MAGI2: variants seen among roughly 807,000 people sequenced by gnomAD.
MAGI2 encodes membrane associated guanylate kinase, WW and PDZ domain containing 2.
A neutral mutation model predicts 133.3 loss-of-function variants in MAGI2; 35 were observed. The observed-to-expected ratio is 0.26, with a 90% CI of 0.20 to 0.35. The LOEUF is 0.35. MAGI2 is among the 10% of genes least tolerant of loss of function. MAGI2 has a pLI of 1.00. For synonymous variants in MAGI2, 729 were observed against 710.6 expected (o/e 1.03, Z -0.41); for missense variants, 1,636 against 1,863.4 (o/e 0.88, Z 2.25).
At chr7:78,140,293 C>T (rs1473113447) in intron 16 of MAGI2, among the ~76,000 whole-genome samples, 2 of 152,184 alleles carry the variant, frequency 1.3e-5, no homozygotes, top group Admixed American at 1.3e-4. Flanking sequence ...CCTCTTTCCT[C>T]ATTATTTGTC....
chr7:78,690,303 A>G (rs768304499), intron 2 of MAGI2, among the ~76,000 whole-genome samples: 2 of 152,216 alleles, frequency 1.3e-5, no homozygotes, highest in African/African-American at 2.4e-5. Flanking sequence ...TGAATCGTAC[A>G]TGTAAATCAC....
At chr7:79,280,029 T>A (rs1585413287) in intron 1 of MAGI2, among the ~76,000 whole-genome samples, 3 of 152,324 alleles carry the variant, frequency 2.0e-5, no homozygotes, top group East Asian at 3.9e-4. Flanking sequence ...TTATTTATTT[T>A]TTATTTTTTT....
chr7:79,266,269 C>T (rs1834451610), intron 1 of MAGI2, among the ~76,000 whole-genome samples: 1 of 139,112 alleles, frequency 7.2e-6, no homozygotes, highest in South Asian at 2.7e-4. Flanking sequence ...ACCCTCCTCT[C>T]TGATCACTTT....
At chr7:78,138,361 G>A (rs1050517117) in intron 16 of MAGI2, among the ~76,000 whole-genome samples, 1 of 152,188 alleles carries the variant, frequency 6.6e-6, no homozygotes, top group African/African-American at 2.4e-5. Context: ...AGAGAAGAAA[G>A]AGAAGAGGAG....
At chr7:79,068,071 C>G (rs185020990) in intron 1 of MAGI2, among the ~76,000 whole-genome samples, 23 of 151,942 alleles carry the variant, frequency 1.5e-4, no homozygotes, top group Non-Finnish European at 1.6e-4. Context: ...ATTTTCCTTT[C>G]TTGTTGTGTC....
chr7:78,375,193 T>G (rs1332157682), intron 6 of MAGI2, among the ~76,000 whole-genome samples: 1 of 152,184 alleles, frequency 6.6e-6, no homozygotes, highest in African/African-American at 2.4e-5. Context: ...CTTTTAATTT[T>G]GCTATCTTAC....
chr7:79,194,089 A>T (rs1433782750), intron 1 of MAGI2, among the ~76,000 whole-genome samples: 1 of 151,950 alleles, frequency 6.6e-6, no homozygotes, highest in Non-Finnish European at 1.5e-5. Context: ...AATTGAAAGA[A>T]TCTCCTACGA....
At chr7:79,229,770 CT>C (rs902329788) in intron 1 of MAGI2, among the ~76,000 whole-genome samples, 38 of 150,868 alleles carry the variant, frequency 2.5e-4, no homozygotes, top group Non-Finnish European at 3.1e-4. Flanking sequence ...GAAAAATATT[CT>C]TTTTTTTTAA....
intron 6 of MAGI2, chr7:78,487,209 A>G (rs1793124451): frequency 4.0e-6 from 1 of 249,832 alleles, no homozygotes; most frequent in Non-Finnish European, 7.9e-6. Flanking sequence ...ACCAAATAGC[A>G]TTGCTACGGA....
intron 1 of MAGI2, among the ~76,000 whole-genome samples, chr7:79,050,101 G>T (rs1812539400): frequency 6.6e-6 from 1 of 152,002 alleles, no homozygotes; most frequent in African/African-American, 2.4e-5. Flanking sequence ...TCTTTCAGGG[G>T]CCCTGAAAGC....
intron 11 of MAGI2, among the ~76,000 whole-genome samples, chr7:78,198,620 C>T (rs1828956704): frequency 6.6e-6 from 1 of 152,030 alleles, no homozygotes. Context: ...TTAGTAGAGA[C>T]AGGATTTCGC....
At chr7:79,384,950 T>A (rs912242445) in intron 1 of MAGI2, among the ~76,000 whole-genome samples, 1 of 151,752 alleles carries the variant, frequency 6.6e-6, no homozygotes, top group African/African-American at 2.4e-5. Flanking sequence ...TTAGACTCTG[T>A]CACTATGTAC....
intron 1 of MAGI2, among the ~76,000 whole-genome samples, chr7:79,318,527 C>G (rs990912303): frequency 4.6e-5 from 7 of 152,112 alleles, no homozygotes; most frequent in African/African-American, 1.7e-4. Flanking sequence ...TGACTACTAT[C>G]AGCAATACTA....
intron 3 of MAGI2, among the ~76,000 whole-genome samples, chr7:78,539,782 C>A (rs927929636): frequency 7.9e-5 from 12 of 152,176 alleles, no homozygotes; most frequent in African/African-American, 2.7e-4. Flanking sequence ...CCAACACCTG[C>A]TCTGGCAGAG....
chr7:78,060,884 T>A (rs28721323), intron 21 of MAGI2, among the ~76,000 whole-genome samples: 1 of 151,916 alleles, frequency 6.6e-6, no homozygotes, highest in Non-Finnish European at 1.5e-5. Flanking sequence ...TAAAGGTTTT[T>A]GTTGGGTGCA....
At chr7:78,667,327 C>T (rs919293967) in intron 2 of MAGI2, among the ~76,000 whole-genome samples, 5 of 150,290 alleles carry the variant, frequency 3.3e-5, no homozygotes, top group African/African-American at 7.3e-5. Context: ...TAAAACAAAG[C>T]GTGCAGTATT....
chr7:78,596,142 G>T (rs942659748), intron 3 of MAGI2, among the ~76,000 whole-genome samples: 4 of 137,080 alleles, frequency 2.9e-5, no homozygotes, highest in African/African-American at 1.1e-4. Context: ...AGGAGGGAAA[G>T]AATGAAGGAA....
chr7:78,326,686 T>A (rs978477514), intron 9 of MAGI2, among the ~76,000 whole-genome samples: 2 of 152,196 alleles, frequency 1.3e-5, no homozygotes, highest in African/African-American at 2.4e-5. Flanking sequence ...TTTTTACCAA[T>A]TACTACTTTC....
At chr7:78,164,213 T>C (rs748027171) in intron 15 of MAGI2, among the ~76,000 whole-genome samples, 12 of 152,226 alleles carry the variant, frequency 7.9e-5, no homozygotes, top group Middle Eastern at 3.2e-3. Flanking sequence ...TCTAGAATTC[T>C]GTAACCATAT....
Sources: allele counts gnomAD v4.1 joint callset (sites outside exome capture counted in the v4.1 genomes callset), GRCh38; gene constraint gnomAD v4.1.1; transcripts MANE v1.5; gene names NCBI Gene and HGNC (gene_info 2026-07-23, HGNC 2026-07-21).